INSL6: variants seen among roughly 807,000 people sequenced by gnomAD.
INSL6 encodes insulin like 6, also known as insulin-like peptide INSL6.
INSL6 carries 16 observed loss-of-function variants against 9.4 expected under a neutral mutation model. The observed-to-expected ratio is 1.70, with a 90% CI of 1.15 to 2.59. The LOEUF is 2.59. Ranked by LOEUF, INSL6 falls within the 30% of genes most tolerant of loss-of-function variation. The pLI is 0.00. For synonymous variants in INSL6, 154 were observed against 96.9 expected (o/e 1.59, Z -3.46); for missense variants, 391 against 257.3 (o/e 1.52, Z -3.56).
At chr9:5,086,092 G>T in the INSL6 span, 1 of 584,452 alleles carries the variant, frequency 1.7e-6, no homozygotes, top group Non-Finnish European at 3.2e-6. Context: ...AGTCCCTTCT[G>T]CCTATGAGCC....
At chr9:5,179,321 C>A (rs1490811222) in intron 1 of INSL6, among the ~76,000 whole-genome samples, 1 of 152,104 alleles carries the variant, frequency 6.6e-6, no homozygotes, top group Non-Finnish European at 1.5e-5. Flanking sequence ...CCATCTCATG[C>A]CAGTCAGAAT....
the INSL6 span, among the ~76,000 whole-genome samples, chr9:5,093,464 A>T: frequency 6.6e-6 from 1 of 152,158 alleles, no homozygotes; most frequent in Non-Finnish European, 1.5e-5. Flanking sequence ...GCTGTCTCTT[A>T]CGTTTAATCA....
chr9:5,072,478 T>G, the INSL6 span: 1 of 1,517,090 alleles, frequency 6.6e-7, no homozygotes, highest in Non-Finnish European at 8.9e-7. Flanking sequence ...TTCTTTTACC[T>G]TTTTCTCTTG....
At chr9:5,151,880 G>A (rs975166226) in intron 2 of INSL6, among the ~76,000 whole-genome samples, 2 of 151,994 alleles carry the variant, frequency 1.3e-5, no homozygotes, top group Non-Finnish European at 2.9e-5. Context: ...CCAATGACAC[G>A]TTGTTTACAA....
At chr9:5,030,609 G>T in the INSL6 span, among the ~76,000 whole-genome samples, 289 of 152,198 alleles carry the variant, frequency 1.9e-3, 1 homozygote, top group African/African-American at 6.6e-3. Flanking sequence ...TAGGAATTGG[G>T]AGTCAGGTTC....
chr9:5,017,831 G>A, the INSL6 span, among the ~76,000 whole-genome samples: 1 of 152,160 alleles, frequency 6.6e-6, no homozygotes, highest in Non-Finnish European at 1.5e-5. Context: ...TACATTAGAA[G>A]TTCTAGAATT....
chr9:5,004,600 G>C, the INSL6 span, among the ~76,000 whole-genome samples: 1 of 152,144 alleles, frequency 6.6e-6, no homozygotes, highest in Non-Finnish European at 1.5e-5. Context: ...ATGAGCATGG[G>C]AGTGTAGATA....
the INSL6 span, among the ~76,000 whole-genome samples, chr9:5,037,852 A>G: frequency 6.6e-6 from 1 of 152,244 alleles, no homozygotes; most frequent in African/African-American, 2.4e-5. Context: ...AACTTAAAGT[A>G]TAATAGAAAA....
chr9:5,091,121 T>C, the INSL6 span: 6 of 406,766 alleles, frequency 1.5e-5, no homozygotes, highest in East Asian at 1.3e-4. Context: ...CTATTAAGTG[T>C]TGTCTTATTT....
At chr9:5,069,004 A>T in the INSL6 span, 17 of 1,447,890 alleles carry the variant, frequency 1.2e-5, no homozygotes, top group Non-Finnish European at 1.6e-5. Flanking sequence ...CCCTTTCTTT[A>T]TAATTAAACT....
At chr9:5,134,502 A>G (rs1586855089) in intron 2 of INSL6, among the ~76,000 whole-genome samples, 1 of 152,216 alleles carries the variant, frequency 6.6e-6, no homozygotes, top group East Asian at 1.9e-4. Context: ...TCTCTGCAGA[A>G]ACCCTACAAG....
At chr9:5,093,669 A>G in the INSL6 span, among the ~76,000 whole-genome samples, 3 of 152,184 alleles carry the variant, frequency 2.0e-5, no homozygotes, top group African/African-American at 7.2e-5. Context: ...CTAAGACCAC[A>G]GTAGTCTAAG....
chr9:5,059,490 T>G, the INSL6 span, among the ~76,000 whole-genome samples: 1 of 152,144 alleles, frequency 6.6e-6, no homozygotes, highest in East Asian at 1.9e-4. Flanking sequence ...TGCTTTCACT[T>G]TGGGGATTTT....
intron 2 of INSL6, among the ~76,000 whole-genome samples, chr9:5,157,427 T>G (rs1475586529): frequency 3.3e-5 from 5 of 152,092 alleles, no homozygotes; most frequent in African/African-American, 4.8e-5. Context: ...AAAAAGAGAC[T>G]GTCAGAAATA....
At chr9:5,019,245 T>C in the INSL6 span, among the ~76,000 whole-genome samples, 4 of 152,190 alleles carry the variant, frequency 2.6e-5, no homozygotes, top group Non-Finnish European at 4.4e-5. Flanking sequence ...TTGTTCATTC[T>C]TTTTTCTTTA....
intron 1 of INSL6, among the ~76,000 whole-genome samples, chr9:5,175,707 G>T (rs1825286702): frequency 6.6e-6 from 1 of 152,114 alleles, no homozygotes; most frequent in Admixed American, 6.5e-5. Context: ...GATTCTTATA[G>T]GAGTGTGAAC....
the INSL6 span, among the ~76,000 whole-genome samples, chr9:5,063,105 A>C: frequency 1.3e-5 from 2 of 151,992 alleles, no homozygotes; most frequent in Non-Finnish European, 2.9e-5. Context: ...TCTTTATTAT[A>C]ATTTTTGGTT....
intron 3 of INSL6, among the ~76,000 whole-genome samples, chr9:5,129,338 A>C (rs1194084076): frequency 6.6e-6 from 1 of 152,236 alleles, no homozygotes; most frequent in East Asian, 1.9e-4. Context: ...CGGGCCACAC[A>C]CCTTGGTTTA....
the INSL6 span, among the ~76,000 whole-genome samples, chr9:5,019,236 T>C: frequency 6.6e-6 from 1 of 152,192 alleles, no homozygotes; most frequent in Non-Finnish European, 1.5e-5. Context: ...ATGCAGGCTT[T>C]GTTCATTCTT....
Sources: allele counts gnomAD v4.1 joint callset (sites outside exome capture counted in the v4.1 genomes callset), GRCh38; gene constraint gnomAD v4.1.1; transcripts MANE v1.5; gene names NCBI Gene and HGNC (gene_info 2026-07-23, HGNC 2026-07-21).